TRHDE: variants seen among roughly 807,000 people sequenced by gnomAD.
The protein encoded by TRHDE is thyrotropin releasing hormone degrading enzyme.
TRHDE carries 72 observed loss-of-function variants against 125.7 expected under a neutral mutation model. The observed-to-expected ratio is 0.57, with a 90% CI of 0.47 to 0.70. The LOEUF (loss-of-function observed/expected upper bound fraction) is 0.70, where lower values mean the gene tolerates loss of function less well. Among genes scored for constraint, TRHDE ranks in the 30% least tolerant of loss-of-function variants. The pLI, the probability that TRHDE is intolerant of heterozygous loss-of-function variation, is 0.00. For missense variants in TRHDE, 1,110 were observed against 1,327.1 expected, an observed-to-expected ratio of 0.84 and a Z score of 2.54; for synonymous variants, 509 against 509.1, an observed-to-expected ratio of 1.00 and a Z score of 0.00.
chr12:72,403,948 G>T (rs975150504), intron 3 of TRHDE, among the ~76,000 whole-genome samples: 5 of 152,140 alleles, frequency 3.3e-5, no homozygotes, highest in Non-Finnish European at 5.9e-5. Context: ...AAATGTTAAG[G>T]AAATCAAGTT....
At chr12:72,165,778 C>A (rs893659954) in intron 2 of TRHDE, among the ~76,000 whole-genome samples, 3 of 151,862 alleles carry the variant, frequency 2.0e-5, no homozygotes, top group African/African-American at 7.3e-5. Flanking sequence ...GGGTTCACAC[C>A]ATTCTCCTGC....
intron 3 of TRHDE, among the ~76,000 whole-genome samples, chr12:72,405,923 C>T (rs949092315): frequency 2.6e-5 from 4 of 152,082 alleles, no homozygotes; most frequent in Non-Finnish European, 5.9e-5. Context: ...GTAGGACTTG[C>T]CAACTGAAAC....
chr12:72,559,179 T>C (rs924309596), intron 7 of TRHDE, among the ~76,000 whole-genome samples: 1 of 152,202 alleles, frequency 6.6e-6, no homozygotes, highest in African/African-American at 2.4e-5. Context: ...TTCCAACCTA[T>C]AGCCTGAGAT....
intron 7 of TRHDE, among the ~76,000 whole-genome samples, chr12:72,550,717 T>C (rs1869635262): frequency 6.6e-6 from 1 of 151,922 alleles, no homozygotes; most frequent in African/African-American, 2.4e-5. Context: ...TGTTGATTTT[T>C]TCCATTATAT....
chr12:72,156,382 G>A (rs1231137457), intron 2 of TRHDE, among the ~76,000 whole-genome samples: 5 of 152,234 alleles, frequency 3.3e-5, no homozygotes, highest in East Asian at 1.9e-4. Context: ...GCTCATGCTC[G>A]GTGCACTGCA....
At chr12:72,446,704 G>A (rs894719784) in intron 3 of TRHDE, among the ~76,000 whole-genome samples, 5 of 151,898 alleles carry the variant, frequency 3.3e-5, no homozygotes, top group Non-Finnish European at 7.4e-5. Context: ...AAACAGCAGG[G>A]GTTGCAATCC....
chr12:72,238,305 T>TACACATA (rs1345448943), intron 2 of TRHDE, among the ~76,000 whole-genome samples: 4 of 34,218 alleles, frequency 1.2e-4, no homozygotes, highest in African/African-American at 2.0e-4. Flanking sequence ...TATATATATA[T>TACACATA]ATATATATAT....
chr12:72,370,010 T>C (rs1046599611), intron 2 of TRHDE, among the ~76,000 whole-genome samples: 1 of 152,194 alleles, frequency 6.6e-6, no homozygotes, highest in Admixed American at 6.5e-5. Flanking sequence ...CTTTTCACAG[T>C]GTAAAGTGAA....
In TRHDE at chr12:72,308,813, G is replaced by A. The variant is rs779470042; in HGVS notation, c.1188+21859G>A. Among the ~76,000 whole-genome samples the A allele has an allele frequency of 4.0e-4, 61 of 152,086 alleles. 2 individuals carry two copies. Among genetic ancestry groups the A allele is most frequent in the Non-Finnish European group, 1.5e-5 (1 of 68,020 alleles). Reference sequence around the variant, plus strand: ...GTATGATATGAAGTTATACCATGAAGAAACTTCTCTAATCCAGTATTATTC... The same window carrying A: ...GTATGATATGAAGTTATACCATGAAAAAACTTCTCTAATCCAGTATTATTC... On this transcript the variant is annotated intron_variant, in intron 2 of 18. Transcript: ENST00000261180.
At position 72,371,911 on chromosome 12, in the gene TRHDE, A is replaced by G. The variant is rs1282337427; in HGVS notation, c.1189-6084A>G. ...TAGTCCTTTGGGTATATTCCCAGTA[A>G]TGGGATGGCTGGGTCAAATGGTATT... On this transcript the variant is annotated intron_variant, in intron 2 of 18. Coordinates refer to ENST00000261180, the MANE Select transcript of TRHDE (RefSeq NM_013381.3). Among the ~76,000 whole-genome samples, 3 of 152,284 alleles carry G rather than the reference A, an allele frequency of 2.0e-5. No homozygotes were observed. The East Asian group carries it at 5.8e-4, about 29-fold the overall frequency.
At chr12:72,324,334 T>A (rs1869239957) in intron 2 of TRHDE, among the ~76,000 whole-genome samples, 1 of 152,066 alleles carries the variant, frequency 6.6e-6, no homozygotes, top group African/African-American at 2.4e-5. Flanking sequence ...GATACCATAG[T>A]CCCTGATATT....
intron 2 of TRHDE, chr12:72,256,696 T>G (rs183580321): frequency 1.3e-5 from 2 of 152,336 alleles, no homozygotes; most frequent in Admixed American, 6.5e-5. Context: ...AGAAGCCTTG[T>G]GGTCTAATAC....
chr12:72,338,743 T>G (rs1246303776), intron 2 of TRHDE, among the ~76,000 whole-genome samples: 1 of 152,174 alleles, frequency 6.6e-6, no homozygotes, highest in Non-Finnish European at 1.5e-5. Context: ...TGATGTAACT[T>G]AAGTCCACGG....
At chr12:72,579,659 T>C (rs933950755) in intron 12 of TRHDE, among the ~76,000 whole-genome samples, 1 of 152,156 alleles carries the variant, frequency 6.6e-6, no homozygotes, top group East Asian at 1.9e-4. Flanking sequence ...CTGTCTCACA[T>C]AGGGCTTCCC....
chr12:72,338,160 T>C (rs889732720), intron 2 of TRHDE, among the ~76,000 whole-genome samples: 1 of 152,214 alleles, frequency 6.6e-6, no homozygotes, highest in African/African-American at 2.4e-5. Flanking sequence ...GCTATACTTA[T>C]TTATTAGATT....
At chr12:72,608,035 A>G (rs574511238) in intron 12 of TRHDE, among the ~76,000 whole-genome samples, 1 of 152,196 alleles carries the variant, frequency 6.6e-6, no homozygotes, top group East Asian at 1.9e-4. Context: ...AAGGCCTCAT[A>G]TATGTATTGA....
At chr12:72,274,270 TTGC>T (rs1879394401) in intron 1 of TRHDE, among the ~76,000 whole-genome samples, 6 of 152,208 alleles carry the variant, frequency 3.9e-5, no homozygotes, top group Admixed American at 3.9e-4. Context: ...TGTTTATGAG[TTGC>T]TGCCTCTGGA....
At chr12:72,288,171 C>G (rs753179164) in intron 2 of TRHDE, among the ~76,000 whole-genome samples, 2 of 152,098 alleles carry the variant, frequency 1.3e-5, no homozygotes, top group South Asian at 2.1e-4. Flanking sequence ...CATCCAGTAA[C>G]CTTTGTATTC....
At chr12:72,327,875 C>T (rs1869412727) in intron 2 of TRHDE, among the ~76,000 whole-genome samples, 1 of 152,140 alleles carries the variant, frequency 6.6e-6, no homozygotes, top group Admixed American at 6.5e-5. Flanking sequence ...ATTTGTTTCG[C>T]TCAGGCTTCT....
Sources: allele counts gnomAD v4.1 joint callset (sites outside exome capture counted in the v4.1 genomes callset), GRCh38; gene constraint gnomAD v4.1.1; transcripts MANE v1.5; gene names NCBI Gene and HGNC (gene_info 2026-07-23, HGNC 2026-07-21).